The following VPS54 variants were observed in gnomAD, a reference collection of about 807,000 sequenced individuals.
VPS54 encodes the protein vacuolar protein sorting-associated protein 54.
VPS54 carries 45 observed loss-of-function variants against 121.5 expected under a neutral mutation model. The ratio of observed to expected loss-of-function variants is 0.37; its 90% CI spans 0.29 to 0.47. VPS54 has a LOEUF of 0.47. Ranked by LOEUF, VPS54 falls within the 20% of genes least tolerant of loss-of-function variation. The pLI, the probability that VPS54 is intolerant of heterozygous loss-of-function variation, is 0.99. For synonymous variants in VPS54, 371 were observed against 385.8 expected, an observed-to-expected ratio of 0.96 and a Z score of 0.45; for missense variants, 1,090 against 1,131.4, an observed-to-expected ratio of 0.96 and a Z score of 0.52.
At chr2:63,894,461 G>C (rs1672354989) in intron 22 of VPS54, among the ~76,000 whole-genome samples, 3 of 152,094 alleles carry the variant, frequency 2.0e-5, no homozygotes, top group African/African-American at 7.2e-5. Flanking sequence ...CAGCACTTGG[G>C]GAGGCTGAGG....
chr2:63,942,314 A>T (rs1674780124), intron 11 of VPS54, 151 bp downstream of exon 11: 1 of 511,698 alleles, frequency 2.0e-6, no homozygotes, highest in Admixed American at 4.1e-5. Flanking sequence ...GAGGTACCTA[A>T]ATTTTTATTT....
chr2:63,902,216 G>A (rs1672707636), intron 20 of VPS54, among the ~76,000 whole-genome samples: 1 of 152,130 alleles, frequency 6.6e-6, no homozygotes, highest in African/African-American at 2.4e-5. Flanking sequence ...GCCTAGCAAT[G>A]AGAGTCTGGA....
chr2:63,923,311 A>G (rs1673735985), intron 12 of VPS54, among the ~76,000 whole-genome samples: 3 of 152,046 alleles, frequency 2.0e-5, no homozygotes, highest in Admixed American at 2.0e-4. Flanking sequence ...GTGAGGAAAA[A>G]AAAAAAGAAA....
At chr2:63,989,047 T>C (rs1458705671) in intron 1 of VPS54, among the ~76,000 whole-genome samples, 2 of 152,120 alleles carry the variant, frequency 1.3e-5, no homozygotes, top group Non-Finnish European at 2.9e-5. Context: ...GTGTCTGCCT[T>C]ACGCAGTTGT....
intron 12 of VPS54, 135 bp from the exon 13 acceptor site, chr2:63,921,470 C>A (rs1673643538): frequency 2.3e-6 from 2 of 865,618 alleles, no homozygotes; most frequent in Non-Finnish European, 3.4e-6. Flanking sequence ...TACCAAATAT[C>A]TTATAGTTTT....
chr2:63,928,177 T>C (rs968613546), intron 12 of VPS54, among the ~76,000 whole-genome samples: 1 of 152,134 alleles, frequency 6.6e-6, no homozygotes, highest in Non-Finnish European at 1.5e-5. Context: ...ACAAAGATAC[T>C]TCTTGAGAAG....
intron 12 of VPS54, among the ~76,000 whole-genome samples, chr2:63,925,362 A>G (rs1673848891): frequency 1.3e-5 from 2 of 152,240 alleles, no homozygotes; most frequent in Admixed American, 1.3e-4. Context: ...GCTAACATGT[A>G]AAAGACTGGC....
At chr2:63,945,950 A>G (rs1674959166) in intron 9 of VPS54, among the ~76,000 whole-genome samples, 1 of 152,152 alleles carries the variant, frequency 6.6e-6, no homozygotes, top group Non-Finnish European at 1.5e-5. Flanking sequence ...TTACAGCTCA[A>G]TATTTTTGTA....
At chr2:64,010,378 T>C (rs1678374706) in intron 1 of VPS54, among the ~76,000 whole-genome samples, 1 of 152,200 alleles carries the variant, frequency 6.6e-6, no homozygotes, top group Non-Finnish European at 1.5e-5. Flanking sequence ...ACTGATAATA[T>C]GCAAGAAAAA....
Position 64,019,017 on chromosome 2 carries a change from T to G in VPS54, c.-100A>C, listed in dbSNP as rs1275492045. 1 of 151,118 alleles carries G rather than the reference T, an allele frequency of 6.6e-6. No individual in the cohort carries two copies. The highest frequency in any genetic ancestry group is 2.4e-5 in the African/African-American group (1 of 41,080). 9.4% of individuals were successfully genotyped at this position (151,118 alleles called of 1,614,324 possible). On this transcript the variant is annotated 5_prime_UTR_variant, in exon 1 of 23. Transcript: ENST00000272322. ...CCAGCCCTCCACGTCGCACCGAGGC[T>G]GCTGCTCCACGGCCGCCGCCGCCCG...
intron 4 of VPS54, among the ~76,000 whole-genome samples, chr2:63,971,184 G>A (rs551180692): frequency 6.6e-6 from 1 of 152,204 alleles, no homozygotes; most frequent in East Asian, 1.9e-4. Context: ...CTTCTCAAAG[G>A]CCTAATTCCC....
At chr2:63,954,992 T>C (rs1425768835) in intron 7 of VPS54, among the ~76,000 whole-genome samples, 1 of 151,986 alleles carries the variant, frequency 6.6e-6, no homozygotes, top group African/African-American at 2.4e-5. Flanking sequence ...AGAAAGAATT[T>C]TGAGACTAAC....
intron 1 of VPS54, among the ~76,000 whole-genome samples, chr2:64,014,057 GA>G (rs1427695984): frequency 2.7e-5 from 4 of 148,376 alleles, no homozygotes; most frequent in African/African-American, 9.7e-5. Context: ...TGGGCGTAGT[GA>G]CACGCCAGAA....
intron 12 of VPS54, among the ~76,000 whole-genome samples, chr2:63,922,890 A>G (rs1002284449): frequency 6.6e-6 from 1 of 152,190 alleles, no homozygotes; most frequent in African/African-American, 2.4e-5. Flanking sequence ...CCAATTCACA[A>G]AAATATAAAC....
chr2:63,996,134 T>C (rs1323938007), intron 1 of VPS54, among the ~76,000 whole-genome samples: 1 of 152,206 alleles, frequency 6.6e-6, no homozygotes, highest in African/African-American at 2.4e-5. Flanking sequence ...GGGAGAGATG[T>C]TGCAGGAAGT....
At chr2:63,979,718 C>T (rs977856454) in intron 3 of VPS54, among the ~76,000 whole-genome samples, 4 of 152,110 alleles carry the variant, frequency 2.6e-5, no homozygotes, top group African/African-American at 9.7e-5. Flanking sequence ...TCTGATTTTT[C>T]TTTCTTCTTT....
Position 63,954,429 on chromosome 2 carries a change from G to C in VPS54, c.1011-5266C>G, listed in dbSNP as rs371862261. 8.5e-5 allele frequency among the ~76,000 whole-genome samples: 13 copies of C among 152,116 alleles called. No individual in the cohort carries two copies. The East Asian group carries it at 1.7e-3, about 20-fold the overall frequency. On this transcript the variant is annotated intron_variant, in intron 7 of 22. Transcript: ENST00000272322. ...TGCTAGATTTCCAATTCGTTATTTT[G>C]AAAACAGCTAAATAAAGGAAAAGAA...
chr2:63,986,038 CATTA>C (rs1221019157), intron 1 of VPS54, among the ~76,000 whole-genome samples: 2 of 152,158 alleles, frequency 1.3e-5, no homozygotes, highest in African/African-American at 2.4e-5. Context: ...TTAACTTTCT[CATTA>C]ATCAAATAAA....
Position 63,914,201 on chromosome 2 carries a change from C to T in VPS54, c.2315G>A (p.Arg772His), listed in dbSNP as rs760327603. 1.6e-5 allele frequency: 26 copies of T among 1,612,720 alleles called. No homozygotes were observed. The highest frequency in any genetic ancestry group is 6.7e-5 in the East Asian group (3 of 44,836). The change falls in exon 17 of 23, where the codon CGT (arginine) becomes CAT (histidine). Residue 772 changes from arginine to histidine, a missense_variant. Coordinates refer to ENST00000272322, the MANE Select transcript of VPS54 (RefSeq NM_016516.3). The stretch of plus-strand genomic sequence containing the variant: ...ACATACCTTCAATAAATCTGACAGA[C>T]GAGTAAGCATGTCAGTAGTAACAGA... ...IPSVTTDMLTRLSDLLKYFNS... is the reference protein window; with the variant it reads ...IPSVTTDMLTHLSDLLKYFNS...
Sources: gnomAD v4.1 joint callset for allele counts (sites outside exome capture counted in the v4.1 genomes callset) on GRCh38, gnomAD v4.1.1 for gene constraint, MANE v1.5 for transcripts, NCBI Gene and HGNC (gene_info 2026-07-23, HGNC 2026-07-21) for gene names.